The following EPHA6 variants were observed in gnomAD, a reference collection of about 807,000 sequenced individuals.
The protein encoded by EPHA6 is ephrin type-A receptor 6.
Under a neutral mutation model 112.0 loss-of-function variants are expected in EPHA6, and 50 were observed. The observed-to-expected ratio is 0.45, with a 90% CI of 0.36 to 0.56. EPHA6 has a LOEUF of 0.56. EPHA6 is among the 20% of genes least tolerant of loss of function. EPHA6 has a pLI of 0.00. For missense variants in EPHA6, 1,280 were observed against 1,417.4 expected (o/e 0.90, Z 1.56); for synonymous variants, 529 against 490.7 (o/e 1.08, Z -1.03).
intron 3 of EPHA6, among the ~76,000 whole-genome samples, chr3:97,119,894 T>C (rs890418881): frequency 6.6e-6 from 1 of 152,000 alleles, no homozygotes; most frequent in Non-Finnish European, 1.5e-5. Context: ...TCAGGATCAG[T>C]ATAAACCCAG....
At position 97,717,187 on chromosome 3, in the gene EPHA6, C is replaced by T. The variant is rs867674400; in HGVS notation, c.2785-3074C>T. 2.9e-4 allele frequency among the ~76,000 whole-genome samples: 43 copies of T among 147,254 alleles called. No individual in the cohort carries two copies. In the Middle Eastern group the frequency reaches 0.014, roughly 49 times the overall value. On this transcript the variant is annotated intron_variant, in intron 14 of 17. Transcript: ENST00000389672. ...CAGAAGTTGCTGTGAGCCAGGATCG[C>T]GCCATTGCACTCCAGCCTGGGCAAC...
chr3:97,619,832 C>T (rs1323619300), intron 13 of EPHA6, among the ~76,000 whole-genome samples: 1 of 152,050 alleles, frequency 6.6e-6, no homozygotes, highest in Non-Finnish European at 1.5e-5. Context: ...GTTAAAGTGG[C>T]CATACTGCCC....
At chr3:96,941,209 C>A (rs2107686906) in intron 2 of EPHA6, among the ~76,000 whole-genome samples, 1 of 152,276 alleles carries the variant, frequency 6.6e-6, no homozygotes, top group Admixed American at 6.5e-5. Flanking sequence ...AACTTGGTTC[C>A]ATTCTCCCCG....
intron 14 of EPHA6, among the ~76,000 whole-genome samples, chr3:97,706,120 C>G (rs183405649): frequency 3.3e-5 from 5 of 152,270 alleles, no homozygotes; most frequent in Non-Finnish European, 5.9e-5. Flanking sequence ...TTTCAACCTG[C>G]TTGGTATGAT....
At chr3:97,047,791 A>C (rs1474730486) in intron 3 of EPHA6, among the ~76,000 whole-genome samples, 1 of 152,128 alleles carries the variant, frequency 6.6e-6, no homozygotes, top group Non-Finnish European at 1.5e-5. Context: ...TTGGAGTAAT[A>C]ATTGCACTAA....
chr3:97,715,130 CTT>C (rs1171725204), intron 14 of EPHA6, among the ~76,000 whole-genome samples: 2 of 152,200 alleles, frequency 1.3e-5, no homozygotes, highest in Admixed American at 6.5e-5. Context: ...TGCTTGCCTC[CTT>C]TTCTGTCTGC....
At chr3:97,372,815 A>T (rs1196737989) in intron 5 of EPHA6, among the ~76,000 whole-genome samples, 1 of 152,150 alleles carries the variant, frequency 6.6e-6, no homozygotes. Flanking sequence ...ATCTATCTGT[A>T]CACTGTTAGC....
At chr3:97,369,986 A>G (rs1388267108) in intron 5 of EPHA6, among the ~76,000 whole-genome samples, 1 of 152,198 alleles carries the variant, frequency 6.6e-6, no homozygotes, top group African/African-American at 2.4e-5. Context: ...CAGAATAAGA[A>G]AAAACTTTTT....
chr3:97,210,187 G>T (rs1228975385), intron 3 of EPHA6, among the ~76,000 whole-genome samples: 2 of 152,104 alleles, frequency 1.3e-5, no homozygotes, highest in Admixed American at 1.3e-4. Context: ...ATAAAGAACT[G>T]CCAGAGAATG....
At chr3:97,027,014 A>G (rs1256182990) in intron 3 of EPHA6, among the ~76,000 whole-genome samples, 3 of 152,314 alleles carry the variant, frequency 2.0e-5, no homozygotes, top group Middle Eastern at 3.4e-3. Flanking sequence ...CACTGTTCAC[A>G]ATAGCAAAGA....
chr3:96,992,280 C>G (rs2043245777), intron 3 of EPHA6, among the ~76,000 whole-genome samples: 1 of 152,182 alleles, frequency 6.6e-6, no homozygotes, highest in Non-Finnish European at 1.5e-5. Context: ...AGCCTCTACT[C>G]ACAATCTCCA....
intron 3 of EPHA6, among the ~76,000 whole-genome samples, chr3:97,138,610 A>G (rs2075819872): frequency 6.6e-6 from 1 of 152,184 alleles, no homozygotes. Flanking sequence ...ACCAAGCCAG[A>G]GAACAAGTCT....
chr3:97,498,331 A>AT (rs1491493325), intron 10 of EPHA6, among the ~76,000 whole-genome samples: 4 of 107,212 alleles, frequency 3.7e-5, no homozygotes, highest in Non-Finnish European at 5.0e-5. Flanking sequence ...AGAAAATAGC[A>AT]AAAAAAAAAA....
At chr3:97,618,199 G>A (rs904861456) in intron 13 of EPHA6, among the ~76,000 whole-genome samples, 5 of 152,046 alleles carry the variant, frequency 3.3e-5, no homozygotes, top group Non-Finnish European at 7.4e-5. Context: ...ATGAACTTAA[G>A]GCAGAAATCA....
intron 4 of EPHA6, among the ~76,000 whole-genome samples, chr3:97,242,899 A>G (rs192402876): frequency 3.3e-5 from 5 of 151,902 alleles, no homozygotes; most frequent in Admixed American, 2.6e-4. Context: ...AATATCTCTC[A>G]TAAGTATAGC....
intron 3 of EPHA6, among the ~76,000 whole-genome samples, chr3:96,995,696 A>G (rs545294482): frequency 6.6e-5 from 10 of 152,158 alleles, no homozygotes; most frequent in Non-Finnish European, 1.3e-4. Flanking sequence ...ATTATTGTCT[A>G]TTAGGTTTAC....
chr3:96,814,848 C>G lies in EPHA6; in HGVS notation c.225C>G (p.Thr75=), dbSNP rs370101634. 1.3e-6 allele frequency: 2 copies of G among 1,563,738 alleles called. No individual in the cohort carries two copies. The highest frequency in any genetic ancestry group is 3.8e-5 in the Admixed American group (2 of 51,964). Residue 75 remains threonine, a synonymous_variant, in exon 1 of 18, where the codon ACC becomes ACG. Transcript: ENST00000389672. ...AGGACCCCCATCCTACCCAGAACACCTGCCTGCGCTGCCGCCACTTCTCTT... is the reference window on the plus strand; with the variant it reads ...AGGACCCCCATCCTACCCAGAACACGTGCCTGCGCTGCCGCCACTTCTCTT... ...VDKDPHPTQN[T]CLRCRHFSLR... is the part of the protein sequence containing the mutation.
intron 2 of EPHA6, among the ~76,000 whole-genome samples, chr3:96,879,383 CAT>C (rs549821452): frequency 1.1e-4 from 17 of 152,116 alleles, no homozygotes; most frequent in East Asian, 5.8e-4. Flanking sequence ...TGCATGAACT[CAT>C]GTGCAGAGTC....
At chr3:97,563,926 A>T (rs2093226174) in intron 11 of EPHA6, among the ~76,000 whole-genome samples, 1 of 152,166 alleles carries the variant, frequency 6.6e-6, no homozygotes, top group South Asian at 2.1e-4. Flanking sequence ...AATGAAACAA[A>T]ATCAACTTAA....
Sources: gnomAD v4.1 joint callset for allele counts (sites outside exome capture counted in the v4.1 genomes callset) on GRCh38, gnomAD v4.1.1 for gene constraint, MANE v1.5 for transcripts, NCBI Gene and HGNC (gene_info 2026-07-23, HGNC 2026-07-21) for gene names.